Variants in PCDHA9 observed in about 807,000 individuals in gnomAD.
The protein encoded by PCDHA9 is protocadherin alpha 9.
In PCDHA9, 62 loss-of-function variants were observed where a neutral mutation model predicts 62.0. The ratio of observed to expected loss-of-function variants is 1.00; its 90% CI spans 0.81 to 1.23. PCDHA9 has a LOEUF of 1.23. PCDHA9 is among the 50% of genes most tolerant of loss of function. The probability of loss-of-function intolerance (pLI) is 0.00; values close to 1 mark genes in which losing one functional copy is unlikely to be tolerated. For missense variants in PCDHA9, 1,205 were observed against 1,249.8 expected (o/e 0.96, Z 0.54); for synonymous variants, 557 against 567.6 (o/e 0.98, Z 0.27).
intron 1 of PCDHA9, chr5:140,877,662 C>T: frequency 6.2e-7 from 1 of 1,613,558 alleles, no homozygotes; most frequent in Non-Finnish European, 8.5e-7. Context: ...CCACCGTGAG[C>T]CGGTGCGCGC....
At chr5:141,005,500 G>A (rs954556024) in intron 3 of PCDHA9, among the ~76,000 whole-genome samples, 2 of 151,574 alleles carry the variant, frequency 1.3e-5, no homozygotes, top group East Asian at 1.9e-4. Flanking sequence ...TCAGGAGATC[G>A]AGACCATCCT....
chr5:140,995,893 A>G (rs1038677586), intron 3 of PCDHA9, among the ~76,000 whole-genome samples: 3 of 152,182 alleles, frequency 2.0e-5, no homozygotes, highest in Non-Finnish European at 4.4e-5. Flanking sequence ...AGATTTATCA[A>G]TGTATAAAAG....
At chr5:140,908,530 T>G (rs1554193400) in intron 1 of PCDHA9, among the ~76,000 whole-genome samples, 1 of 152,148 alleles carries the variant, frequency 6.6e-6, no homozygotes, top group African/African-American at 2.4e-5. Flanking sequence ...AATGTTCAGT[T>G]TCCACCAAAG....
chr5:140,889,086 A>G (rs1418981044), intron 1 of PCDHA9, among the ~76,000 whole-genome samples: 1 of 151,926 alleles, frequency 6.6e-6, no homozygotes, highest in Non-Finnish European at 1.5e-5. Flanking sequence ...TTAAATTTTC[A>G]AAACAATTTT....
chr5:140,968,994 G>T (rs1182509201), intron 1 of PCDHA9: 2 of 1,614,098 alleles, frequency 1.2e-6, no homozygotes, highest in Non-Finnish European at 1.7e-6. Context: ...GCATGCTGTG[G>T]AGGCTTCTGT....
intron 1 of PCDHA9, chr5:140,851,667 T>C (rs628871): frequency 0.26 from 235,964 of 911,074 alleles, 43,172 homozygotes; most frequent in South Asian, 0.31. Context: ...TCCTTTTAAT[T>C]GAAATTTTCT....
intron 1 of PCDHA9, chr5:140,883,557 G>A (rs868923862): frequency 6.2e-7 from 1 of 1,614,214 alleles, no homozygotes; most frequent in Non-Finnish European, 8.5e-7. Flanking sequence ...GCGCGGGACG[G>A]GGGCTCGCCT....
chr5:140,849,732 C>T lies in PCDHA9; in HGVS notation c.1237C>T (p.Leu413=), dbSNP rs2150447355. The part of the protein sequence containing the change: ...NYYSLVLDRA[L]DRESVSAYEL... ...CTACTCGTTGGTGCTGGACAGAGCT[C>T]TGGACCGCGAGAGTGTGTCCGCCTA... The change falls in exon 1 of 4, where the codon CTG becomes TTG. Residue 413 remains leucine (L), a synonymous_variant. Transcript: ENST00000532602. 3.8e-6 allele frequency: 6 copies of T among 1,598,488 alleles called. No homozygotes were observed. The highest frequency in any genetic ancestry group is 5.1e-6 in the Non-Finnish European group (6 of 1,168,004).
At position 140,877,217 on chromosome 5, in the gene PCDHA9, C is replaced by T. The variant is rs571871387; in HGVS notation, c.2394+26328C>T. ...GGAGGCGCAGTTAGCGAGTTGGTAC[C>T]GCGGTCGGTGGGTGCGGGCCACGTG... On this transcript the variant is annotated intron_variant, in intron 1 of 3. Coordinates refer to ENST00000532602, the MANE Select transcript of PCDHA9 (RefSeq NM_031857.2). 144 of 1,613,624 alleles carry T rather than the reference C, an allele frequency of 8.9e-5. No individual in the cohort carries two copies. Among genetic ancestry groups the T allele is most frequent in the Non-Finnish European group, 1.2e-4 (138 of 1,179,784 alleles).
chr5:140,943,476 AAAT>A (rs1167849813), intron 1 of PCDHA9, among the ~76,000 whole-genome samples: 3 of 152,134 alleles, frequency 2.0e-5, no homozygotes, highest in Non-Finnish European at 2.9e-5. Context: ...AGATACAGTA[AAAT>A]AATAAATAGA....
chr5:140,857,273 G>A, intron 1 of PCDHA9: 3 of 1,598,730 alleles, frequency 1.9e-6, no homozygotes, highest in Middle Eastern at 1.7e-4. Context: ...ATTGGTGCTG[G>A]ACAGCGCTCT....
intron 1 of PCDHA9, among the ~76,000 whole-genome samples, chr5:140,921,417 A>C (rs1292321863): frequency 6.6e-6 from 1 of 152,210 alleles, no homozygotes; most frequent in Non-Finnish European, 1.5e-5. Flanking sequence ...TCTGTGCTGC[A>C]GACAAAAATT....
chr5:140,939,894 T>G (rs1554213013), intron 1 of PCDHA9, among the ~76,000 whole-genome samples: 2 of 152,220 alleles, frequency 1.3e-5, no homozygotes, highest in Non-Finnish European at 2.9e-5. Context: ...TGTTCAAATA[T>G]TCTGCATTCT....
At chr5:140,901,922 G>A (rs2068984254) in intron 1 of PCDHA9, among the ~76,000 whole-genome samples, 2 of 151,732 alleles carry the variant, frequency 1.3e-5, no homozygotes. Flanking sequence ...TCACTTCTTT[G>A]GTTAATTCCT....
At chr5:140,963,523 A>T (rs2095769740) in intron 1 of PCDHA9, among the ~76,000 whole-genome samples, 1 of 152,218 alleles carries the variant, frequency 6.6e-6, no homozygotes. Flanking sequence ...CTCATAACAG[A>T]AGTCCCATTT....
chr5:140,988,560 T>C (rs1184536302), intron 3 of PCDHA9, among the ~76,000 whole-genome samples: 3 of 152,138 alleles, frequency 2.0e-5, no homozygotes, highest in Admixed American at 2.0e-4. Context: ...CATCTTCTTC[T>C]TGGGAAAACA....
intron 1 of PCDHA9, among the ~76,000 whole-genome samples, chr5:140,956,797 G>T (rs1224324866): frequency 6.6e-6 from 1 of 152,040 alleles, no homozygotes; most frequent in Non-Finnish European, 1.5e-5. Flanking sequence ...TGCTTGGTGG[G>T]CTATTTATTA....
chr5:140,998,321 G>A lies in PCDHA9; in HGVS notation c.2543-11306G>A, dbSNP rs79793895. On this transcript the variant is annotated intron_variant, in intron 3 of 3. Coordinates refer to ENST00000532602, the MANE Select transcript of PCDHA9 (RefSeq NM_031857.2). ...TTTAGTAAGGGCACCAGGATCTGAA[G>A]CAGGATTGTTTGACTTCTGAGTCTG... is the stretch of plus-strand genomic sequence containing the variant. 9.8e-3 allele frequency among the ~76,000 whole-genome samples: 1,493 copies of A among 152,278 alleles called. 32 individuals carry two copies. The highest frequency in any genetic ancestry group is 0.034 in the African/African-American group (1,408 of 41,548).
rs782706939 is a variant in PCDHA9 at position 140,967,257 on chromosome 5, G to C, written c.2395-11692G>C. ...CAGGTAAGCGAATCGGTGGCGCCTG[G>C]AGCGCGCTTTCACATAGAGAGTGCG... is the stretch of plus-strand genomic sequence containing the variant. On this transcript the variant is annotated intron_variant, in intron 1 of 3. Coordinates refer to ENST00000532602, the MANE Select transcript of PCDHA9 (RefSeq NM_031857.2). 1.9e-6 allele frequency: 3 copies of C among 1,613,486 alleles called. No individual in the cohort carries two copies. The highest frequency in any genetic ancestry group is 1.3e-5 in the African/African-American group (1 of 75,062).
Sources: gnomAD v4.1 joint callset for allele counts (sites outside exome capture counted in the v4.1 genomes callset) on GRCh38, gnomAD v4.1.1 for gene constraint, MANE v1.5 for transcripts, NCBI Gene and HGNC (gene_info 2026-07-23, HGNC 2026-07-21) for gene names.